Variants in SAMSN1 observed in about 807,000 individuals in gnomAD.
SAMSN1 encodes SAM domain, SH3 domain and nuclear localization signals 1.
SAMSN1 carries 31 observed loss-of-function variants against 42.0 expected under a neutral mutation model. The observed-to-expected ratio is 0.74, with a 90% confidence interval of 0.55 to 1.00. The LOEUF is 1.00. Ranked by LOEUF, SAMSN1 falls within the 50% of genes least tolerant of loss-of-function variation. The pLI is 0.00. For missense variants in SAMSN1, 464 were observed against 439.4 expected (o/e 1.06, Z -0.50); for synonymous variants, 178 against 151.9 (o/e 1.17, Z -1.26).
Position 14,523,575 on chromosome 21 carries a change from G to A in SAMSN1, c.58-2354C>T, listed in dbSNP as rs141468589. Reference sequence around the variant, plus strand: ...CAGCAATCACAGAAGGGAATTGAGCGTATTGTTGTCCTGCTTATAAACAAT... The same window carrying A: ...CAGCAATCACAGAAGGGAATTGAGCATATTGTTGTCCTGCTTATAAACAAT... On this transcript the variant is annotated intron_variant, in intron 1 of 7. Coordinates refer to ENST00000400566, the MANE Select transcript of SAMSN1 (RefSeq NM_022136.5). Among the ~76,000 whole-genome samples the A allele has an allele frequency of 8.5e-3, 1,290 of 152,268 alleles. 11 individuals are homozygous for A. The highest frequency in any genetic ancestry group is 0.016 in the South Asian group (77 of 4,830).
intron 2 of SAMSN1, among the ~76,000 whole-genome samples, chr21:14,577,095 T>G (rs1394546509): frequency 9.2e-5 from 12 of 130,380 alleles, no homozygotes; most frequent in Non-Finnish European, 1.6e-4. Flanking sequence ...TCACTCTGTC[T>G]CTCAGGCTGG....
rs1986399153 is a variant in SAMSN1, at chr21:14,485,593, T to G, written c.*319A>C. 5.5e-6 allele frequency: 1 copy of G among 182,610 alleles called. No homozygotes were observed. The allele number at this position is 182,610 out of a possible 1,614,324, so 11.3% of individuals were successfully genotyped here. A position where few individuals can be genotyped will look rare whatever the true frequency, so the allele number is the denominator to read the frequency against. On this transcript the variant is annotated 3_prime_UTR_variant, in exon 8 of 8. Transcript: ENST00000400566. ...GCAGGTATGAAAAAAGGTTACTTTG[T>G]TTTTTGCAGATACTGTACTTGTAAA...
intron 1 of SAMSN1, among the ~76,000 whole-genome samples, chr21:14,534,754 AT>A (rs946435471): frequency 1.3e-5 from 2 of 152,188 alleles, no homozygotes; most frequent in Non-Finnish European, 2.9e-5. Context: ...CATCAACCCT[AT>A]GTGACATGCT....
chr21:14,563,848 C>T (rs1449348790), intron 2 of SAMSN1, among the ~76,000 whole-genome samples: 1 of 152,148 alleles, frequency 6.6e-6, no homozygotes, highest in Admixed American at 6.6e-5. Flanking sequence ...CAGCAATTGA[C>T]ATATGTGTCA....
At chr21:14,601,929 C>T (rs996334567) in intron 6 of SAMSN1, 1 of 437,338 alleles carries the variant, frequency 2.3e-6, no homozygotes, top group African/African-American at 2.0e-5. Context: ...AGCTAAAAGG[C>T]TGTGTAAGTA....
intron 7 of SAMSN1, among the ~76,000 whole-genome samples, chr21:14,486,835 C>T (rs1986454422): frequency 6.6e-6 from 1 of 152,114 alleles, no homozygotes; most frequent in Non-Finnish European, 1.5e-5. Flanking sequence ...ATTCTGCATT[C>T]TTAAAGCAGT....
intron 2 of SAMSN1, among the ~76,000 whole-genome samples, chr21:14,635,933 T>C (rs1983456506): frequency 6.6e-6 from 1 of 152,082 alleles, no homozygotes; most frequent in East Asian, 1.9e-4. Flanking sequence ...TTACATTTGG[T>C]ATTTCTCCTA....
intron 7 of SAMSN1, 134 bp downstream of exon 7, chr21:14,498,308 T>A: frequency 1.4e-6 from 1 of 723,668 alleles, no homozygotes. Context: ...CAAACTTATA[T>A]GAAAATACCT....
At chr21:14,551,783 T>C (rs950917206) in intron 2 of SAMSN1, among the ~76,000 whole-genome samples, 2 of 152,114 alleles carry the variant, frequency 1.3e-5, no homozygotes, top group Non-Finnish European at 2.9e-5. Context: ...AAAATCTTCA[T>C]GAGCTGGTAC....
chr21:14,616,073 C>A, intron 2 of SAMSN1: 1 of 506,452 alleles, frequency 2.0e-6, no homozygotes, highest in South Asian at 3.0e-5. Flanking sequence ...TAAGACAAAA[C>A]TATATCAAGA....
chr21:14,631,384 C>A (rs1233798896), intron 2 of SAMSN1, among the ~76,000 whole-genome samples: 1 of 152,170 alleles, frequency 6.6e-6, no homozygotes, highest in Non-Finnish European at 1.5e-5. Flanking sequence ...GTTTAAAGAA[C>A]TTGTCCAAGG....
At chr21:14,657,725 CAA>C (rs1170632504) in intron 1 of SAMSN1, among the ~76,000 whole-genome samples, 2 of 151,766 alleles carry the variant, frequency 1.3e-5, no homozygotes, top group African/African-American at 4.8e-5. Flanking sequence ...CGGCACAAAG[CAA>C]AGTTGAGAGC....
At chr21:14,557,399 G>C (rs998410549) in intron 2 of SAMSN1, among the ~76,000 whole-genome samples, 1 of 152,140 alleles carries the variant, frequency 6.6e-6, no homozygotes, top group African/African-American at 2.4e-5. Flanking sequence ...CTCTCCTTCA[G>C]GGACAAAGGT....
At chr21:14,545,593 C>T (rs1022271931) in intron 1 of SAMSN1, among the ~76,000 whole-genome samples, 1 of 151,900 alleles carries the variant, frequency 6.6e-6, no homozygotes, top group Non-Finnish European at 1.5e-5. Context: ...TAACATTCCA[C>T]ATATTACCAA....
At chr21:14,545,213 C>A (rs1980310102) in intron 1 of SAMSN1, among the ~76,000 whole-genome samples, 1 of 152,022 alleles carries the variant, frequency 6.6e-6, no homozygotes. Flanking sequence ...TGGATGGTAA[C>A]TTCCAAAGAG....
At chr21:14,553,772 T>C (rs758949876) in intron 2 of SAMSN1, among the ~76,000 whole-genome samples, 1 of 152,148 alleles carries the variant, frequency 6.6e-6, no homozygotes, top group African/African-American at 2.4e-5. Flanking sequence ...CAGAAGCCAT[T>C]GTGATTCCTG....
chr21:14,659,231 G>A (rs993527288), upstream of SAMSN1, among the ~76,000 whole-genome samples: 1 of 151,748 alleles, frequency 6.6e-6, no homozygotes, highest in East Asian at 1.9e-4. Context: ...CGTTTGATTC[G>A]CTACATGACA....
chr21:14,620,227 C>T (rs982414925), intron 2 of SAMSN1, among the ~76,000 whole-genome samples: 41 of 152,236 alleles, frequency 2.7e-4, no homozygotes, highest in East Asian at 1.7e-3. Context: ...ACCCAAATCT[C>T]ATCTTGAATT....
chr21:14,652,942 C>G (rs150964281), intron 1 of SAMSN1, among the ~76,000 whole-genome samples: 2 of 151,996 alleles, frequency 1.3e-5, no homozygotes, highest in African/African-American at 4.8e-5. Context: ...AAGTGCTCAA[C>G]GTCATTTATC....
Sources: gnomAD v4.1 joint callset for allele counts (sites outside exome capture counted in the v4.1 genomes callset) on GRCh38, gnomAD v4.1.1 for gene constraint, MANE v1.5 for transcripts, NCBI Gene and HGNC (gene_info 2026-07-23, HGNC 2026-07-21) for gene names.